The following DKK3 variants were observed in gnomAD, a reference collection of about 807,000 sequenced individuals.
DKK3 encodes dickkopf-related protein 3.
In DKK3, 22 loss-of-function variants were observed where a neutral mutation model predicts 33.2. That is an observed-to-expected ratio of 0.66 (90% CI 0.47 to 0.95). The LOEUF is 0.95. DKK3 is among the 40% of genes least tolerant of loss of function. The pLI, the probability that DKK3 is intolerant of heterozygous loss-of-function variation, is 0.00. For synonymous variants in DKK3, 194 were observed against 188.8 expected, an observed-to-expected ratio of 1.03 and a Z score of -0.23; for missense variants, 398 against 458.4, an observed-to-expected ratio of 0.87 and a Z score of 1.20.
chr11:11,965,796 T>G lies in DKK3; in HGVS notation c.830+13A>C, dbSNP rs1215056115. The G allele has an allele frequency of 1.9e-6, 3 of 1,613,008 alleles. No individual in the cohort carries two copies. The highest frequency in any genetic ancestry group is 2.5e-6 in the Non-Finnish European group (3 of 1,179,724). Reference sequence around the variant, plus strand: ...CCCTTGGCTCCCTGAGAGTGAGGGTTAGGGGGCCTCACCTGTGGGGCTGGC... The same window carrying G: ...CCCTTGGCTCCCTGAGAGTGAGGGTGAGGGGGCCTCACCTGTGGGGCTGGC... On this transcript the variant is annotated intron_variant, in intron 6 of 6. Coordinates refer to ENST00000683431, the MANE Select transcript of DKK3 (RefSeq NM_001018057.2).
In DKK3 at chr11:11,963,798, A is replaced by C. The variant is rs1847514805; in HGVS notation, c.*666T>G. 1 of 152,884 alleles carries C rather than the reference A, an allele frequency of 6.5e-6. No homozygotes were observed. The highest frequency in any genetic ancestry group is 6.5e-5 in the Admixed American group (1 of 15,292). 9.5% of individuals were successfully genotyped at this position (152,884 alleles called of 1,614,324 possible). ...TGTGTGACTTGGGCAAGCAGCTTGC[A>C]GTCTCTGAGCCTCTGAGATCCCTGA... On this transcript the variant is annotated 3_prime_UTR_variant, in exon 7 of 7. Coordinates refer to ENST00000683431, the MANE Select transcript of DKK3 (RefSeq NM_001018057.2).
chr11:11,989,920 G>A (rs1480174684), intron 3 of DKK3, among the ~76,000 whole-genome samples: 2 of 152,276 alleles, frequency 1.3e-5, no homozygotes, highest in South Asian at 4.2e-4. Context: ...TGTCTGCCTT[G>A]TATCATTGTC....
intron 3 of DKK3, among the ~76,000 whole-genome samples, chr11:11,977,497 C>T (rs1281327884): frequency 1.3e-5 from 2 of 152,162 alleles, no homozygotes; most frequent in Non-Finnish European, 2.9e-5. Context: ...GCATATTTAA[C>T]TCCAAAGGAA....
chr11:11,983,476 G>T (rs750599145), intron 3 of DKK3, among the ~76,000 whole-genome samples: 9 of 152,232 alleles, frequency 5.9e-5, no homozygotes, highest in Non-Finnish European at 1.3e-4. Context: ...GAAGAACAAG[G>T]TTCCAGGGGC....
chr11:11,980,858 G>C (rs553681028), intron 3 of DKK3, among the ~76,000 whole-genome samples: 1 of 152,162 alleles, frequency 6.6e-6, no homozygotes, highest in Non-Finnish European at 1.5e-5. Flanking sequence ...TTCTCTCTGA[G>C]GGGTGGTCCT....
At chr11:11,968,659 G>T in intron 3 of DKK3, 172 bp from the exon 4 acceptor site, 1 of 540,484 alleles carries the variant, frequency 1.9e-6, no homozygotes, top group Non-Finnish European at 3.2e-6. Flanking sequence ...TGGCTGCACT[G>T]CCCTTCAGCA....
rs1280707969 is a variant in DKK3, at chr11:11,968,756, C to T, written c.436-269G>A. The stretch of plus-strand genomic sequence containing the variant: ...ATCGCCATCTGTGCACAGTTCTCCC[C>T]CACCCACACCCAGGGCGGGAGCACA... On this transcript the variant is annotated intron_variant, in intron 3 of 6. Transcript: ENST00000683431. 8.8e-6 allele frequency: 3 copies of T among 341,526 alleles called. No individual in the cohort carries two copies. The Admixed American group carries it at 1.4e-4, about 16-fold the overall frequency. 21.2% of individuals were successfully genotyped at this position (341,526 alleles called of 1,614,324 possible). A position where few individuals can be genotyped will look rare whatever the true frequency, so the allele number is the denominator to read the frequency against.
chr11:11,969,885 CATG>C (rs1847686980), intron 3 of DKK3, among the ~76,000 whole-genome samples: 1 of 152,220 alleles, frequency 6.6e-6, no homozygotes, highest in Non-Finnish European at 1.5e-5. Flanking sequence ...AAATGTCAGG[CATG>C]ATACCATCGC....
upstream of DKK3, chr11:12,009,111 C>T (rs1365515641): frequency 1.0e-6 from 1 of 985,692 alleles, no homozygotes; most frequent in Admixed American, 6.2e-5. Flanking sequence ...CGCCCCACAT[C>T]CACCAAGAGA....
chr11:11,996,986 A>C (rs774330640), intron 3 of DKK3, among the ~76,000 whole-genome samples: 1 of 152,254 alleles, frequency 6.6e-6, no homozygotes, highest in Non-Finnish European at 1.5e-5. Context: ...CTGCCCAAGC[A>C]TGCCGTTGGC....
chr11:12,000,612 C>G (rs1848405451), intron 2 of DKK3, among the ~76,000 whole-genome samples: 1 of 151,582 alleles, frequency 6.6e-6, no homozygotes, highest in African/African-American at 2.4e-5. Flanking sequence ...TCAAGTGATT[C>G]TCCTACCTCA....
intron 6 of DKK3, 61 bp downstream of exon 6, chr11:11,965,743 ACGCCC>A (rs1847573379): frequency 6.4e-7 from 1 of 1,565,202 alleles, no homozygotes; most frequent in East Asian, 2.3e-5. Context: ...TCCTGCTCCT[ACGCCC>A]CTGCTGGATG....
intron 3 of DKK3, among the ~76,000 whole-genome samples, chr11:11,986,981 T>C (rs1848083975): frequency 6.6e-6 from 1 of 152,198 alleles, no homozygotes; most frequent in South Asian, 2.1e-4. Context: ...CTTTACAGAA[T>C]CTTACCTTCA....
intron 3 of DKK3, among the ~76,000 whole-genome samples, chr11:11,988,947 A>G (rs1049840209): frequency 1.3e-5 from 2 of 152,228 alleles, no homozygotes; most frequent in Non-Finnish European, 2.9e-5. Flanking sequence ...CTGGAAACAG[A>G]GTTGGGGAAC....
intron 3 of DKK3, among the ~76,000 whole-genome samples, chr11:11,996,801 C>A (rs1848304398): frequency 6.6e-6 from 1 of 152,216 alleles, no homozygotes; most frequent in South Asian, 2.1e-4. Context: ...TTCTGCCCTG[C>A]ACAAGGGGGC....
chr11:11,965,703 G>C, intron 6 of DKK3, 106 bp downstream of exon 6: 4 of 1,389,594 alleles, frequency 2.9e-6, no homozygotes, highest in Non-Finnish European at 3.9e-6. Context: ...ATCCTAAAGG[G>C]AATCTACACC....
chr11:12,009,413 G>A (rs1195927331), upstream of DKK3: 2 of 690,024 alleles, frequency 2.9e-6, no homozygotes, highest in South Asian at 7.0e-5. Context: ...ACCCCGCCCC[G>A]CGGAGGGGCC....
At chr11:11,965,788 G>C in intron 6 of DKK3, 21 bp downstream of exon 6, 1 of 1,611,788 alleles carries the variant, frequency 6.2e-7, no homozygotes, top group Non-Finnish European at 8.5e-7. Context: ...CTCCCTGAGA[G>C]TGAGGGTTAG....
At chr11:11,996,254 G>A (rs1385112395) in intron 3 of DKK3, among the ~76,000 whole-genome samples, 1 of 152,168 alleles carries the variant, frequency 6.6e-6, no homozygotes, top group African/African-American at 2.4e-5. Flanking sequence ...AGACAGTGGT[G>A]ACAAAGCACA....
Sources: gnomAD v4.1 joint callset for allele counts (sites outside exome capture counted in the v4.1 genomes callset) on GRCh38, gnomAD v4.1.1 for gene constraint, MANE v1.5 for transcripts, NCBI Gene and HGNC (gene_info 2026-07-23, HGNC 2026-07-21) for gene names.